NR2C1: variants seen among roughly 807,000 people sequenced by gnomAD.
NR2C1 encodes the protein TR2 nuclear hormone receptor.
NR2C1 carries 33 observed loss-of-function variants against 74.8 expected under a neutral mutation model. That is an observed-to-expected ratio of 0.44 (90% CI 0.33 to 0.59). The LOEUF is 0.59. Among genes scored for constraint, NR2C1 ranks in the 20% least tolerant of loss-of-function variants. The probability of loss-of-function intolerance (pLI) is 0.02; values close to 1 mark genes in which losing one functional copy is unlikely to be tolerated. For synonymous variants in NR2C1, 225 were observed against 240.6 expected, an observed-to-expected ratio of 0.94 and a Z score of 0.60; for missense variants, 568 against 715.6, an observed-to-expected ratio of 0.79 and a Z score of 2.35.
chr12:95,053,075 C>T (rs1592766887), intron 7 of NR2C1, among the ~76,000 whole-genome samples: 2 of 151,836 alleles, frequency 1.3e-5, no homozygotes, highest in South Asian at 2.1e-4. Flanking sequence ...CCTCCAACTC[C>T]TGGGTTCAAG....
chr12:95,052,203 T>C (rs548094320), intron 7 of NR2C1, among the ~76,000 whole-genome samples: 15 of 151,902 alleles, frequency 9.9e-5, no homozygotes, highest in African/African-American at 2.9e-4. Flanking sequence ...GTCACTAGGC[T>C]GGAGTGCCGT....
rs11107873 is a variant in NR2C1 at position 95,043,412 on chromosome 12, G to A, written c.1132-2815C>T. ...AACAAAAAAGTCCTTTGTAAGGCTA[G>A]GCGTGGTGGCTCAGGCCTGTAATCC... On this transcript the variant is annotated intron_variant, in intron 9 of 13. Coordinates refer to ENST00000333003, the MANE Select transcript of NR2C1 (RefSeq NM_003297.4). Among the ~76,000 whole-genome samples, 73 of 152,182 alleles carry A rather than the reference G, an allele frequency of 4.8e-4. No individual in the cohort carries two copies. In the East Asian group the frequency reaches 0.014, roughly 29 times the overall value.
intron 7 of NR2C1, among the ~76,000 whole-genome samples, chr12:95,054,744 T>A (rs1476897779): frequency 2.0e-5 from 3 of 152,204 alleles, no homozygotes; most frequent in Non-Finnish European, 4.4e-5. Flanking sequence ...CATATCTAAC[T>A]AGATTCTTTT....
At chr12:95,043,351 G>T (rs1208710020) in intron 9 of NR2C1, among the ~76,000 whole-genome samples, 2 of 152,070 alleles carry the variant, frequency 1.3e-5, no homozygotes, top group East Asian at 3.9e-4. Flanking sequence ...AAAATTACTA[G>T]TTTTGGGGGA....
Position 95,037,882 on chromosome 12 carries a change from G to C in NR2C1, c.1253+2594C>G, listed in dbSNP as rs185560938. Among the ~76,000 whole-genome samples the C allele has an allele frequency of 4.5e-5, 6 of 133,680 alleles. No homozygotes were observed. The East Asian group carries it at 1.3e-3, about 29-fold the overall frequency. The allele number at this position is 133,680 out of a possible 152,430, so 87.7% of individuals were successfully genotyped here. ...TGCACTCCAGTCTGGGCGACAGAGC[G>C]AGCCTCCATCTCAAAAAAAAAAAAA... On this transcript the variant is annotated intron_variant, in intron 10 of 13. Coordinates refer to ENST00000333003, the MANE Select transcript of NR2C1 (RefSeq NM_003297.4).
rs765939502 is a variant in NR2C1 at position 95,028,563 on chromosome 12, T to C, written c.1394-39A>G. 2.3e-6 allele frequency: 3 copies of C among 1,323,872 alleles called. No individual in the cohort carries two copies. In the African/African-American group the frequency reaches 4.5e-5, roughly 20 times the overall value. 82.0% of individuals were successfully genotyped at this position (1,323,872 alleles called of 1,614,324 possible). A position where few individuals can be genotyped will look rare whatever the true frequency, so the allele number is the denominator to read the frequency against. On this transcript the variant is annotated intron_variant, in intron 11 of 13. Transcript: ENST00000333003. ...TAAACAAATGCTTCTAGTGTTTGTC[T>C]AAAATGAACAACTACTTTCATCCAA...
Position 95,022,171 on chromosome 12 carries a change from T to C in NR2C1, c.*58A>G, listed in dbSNP as rs1868839261. On this transcript the variant is annotated 3_prime_UTR_variant, in exon 14 of 14. Transcript: ENST00000333003. ...ATGCCTCAAAAGCAGTGAGTTCAAT[T>C]TGGTGTCTTGTGTTCTGGCAAAGAA... is the stretch of plus-strand genomic sequence containing the variant. The C allele has an allele frequency of 2.2e-6, 3 of 1,353,036 alleles. No individual in the cohort carries two copies. Among genetic ancestry groups the C allele is most frequent in the Non-Finnish European group, 3.0e-6 (3 of 1,012,162 alleles). The allele number at this position is 1,353,036 out of a possible 1,614,324, so 83.8% of individuals were successfully genotyped here. A position where few individuals can be genotyped will look rare whatever the true frequency, so the allele number is the denominator to read the frequency against.
intron 3 of NR2C1, among the ~76,000 whole-genome samples, chr12:95,061,617 T>C (rs182019282): frequency 6.6e-6 from 1 of 152,338 alleles, no homozygotes; most frequent in Admixed American, 6.5e-5. Flanking sequence ...ATAGATGATA[T>C]CAGGATATAC....
At chr12:95,069,229 AG>A (rs746222539) in intron 1 of NR2C1, among the ~76,000 whole-genome samples, 7 of 152,238 alleles carry the variant, frequency 4.6e-5, no homozygotes, top group Non-Finnish European at 8.8e-5. Flanking sequence ...TTAGACTCAA[AG>A]AAGTCACCTC....
At chr12:95,039,053 G>A (rs971792269) in intron 10 of NR2C1, among the ~76,000 whole-genome samples, 5 of 152,058 alleles carry the variant, frequency 3.3e-5, no homozygotes, top group African/African-American at 1.2e-4. Context: ...CAATGACAGA[G>A]GAAGAACTCA....
intron 5 of NR2C1, 33 bp from the exon 6 acceptor site, chr12:95,057,911 T>C: frequency 1.2e-5 from 19 of 1,573,818 alleles, no homozygotes; most frequent in Non-Finnish European, 1.7e-5. Context: ...TATATCACAA[T>C]ATAGGATTTA....
chr12:95,022,435 A>G (rs1868867228), intron 13 of NR2C1, 32 bp from the exon 14 acceptor site: 1 of 1,551,556 alleles, frequency 6.4e-7, no homozygotes, highest in East Asian at 2.3e-5. Context: ...GGAGAGGAAC[A>G]AGGTTGTAAA....
chr12:95,050,411 C>G (rs150689267), intron 8 of NR2C1, among the ~76,000 whole-genome samples: 1 of 152,120 alleles, frequency 6.6e-6, no homozygotes, highest in Non-Finnish European at 1.5e-5. Flanking sequence ...GGGGTTCAAG[C>G]GGTTCTCCTG....
At position 95,059,986 on chromosome 12, in the gene NR2C1, T is replaced by TAAAAAAA. The variant is rs79760875; in HGVS notation, c.286-9_286-3dup. On this transcript the variant is annotated splice_region_variant and splice_polypyrimidine_tract_variant and intron_variant, in intron 3 of 13. Transcript: ENST00000333003. ...GTCTGGAGAATTATCTGTTAGGAGC[T>TAAAAAAA]AAAAAAAAAAAAAAAAAAAAAGAAA... 1.9e-5 allele frequency: 20 copies of TAAAAAAA among 1,074,554 alleles called. No homozygotes were observed. Among genetic ancestry groups the TAAAAAAA allele is most frequent in the South Asian group, 1.7e-4 (9 of 52,312 alleles). The allele number at this position is 1,074,554 out of a possible 1,614,324, so 66.6% of individuals were successfully genotyped here.
chr12:95,057,098 A>ATTTTTTTTTTTT (rs1184465413), intron 7 of NR2C1, among the ~76,000 whole-genome samples: 1 of 111,560 alleles, frequency 9.0e-6, no homozygotes, highest in African/African-American at 3.4e-5. Context: ...AACATTTCTG[A>ATTTTTTTTTTTT]TTTTTTTTTT....
chr12:95,070,295 G>A (rs991169637), intron 1 of NR2C1, among the ~76,000 whole-genome samples: 4 of 151,668 alleles, frequency 2.6e-5, no homozygotes, highest in Admixed American at 6.6e-5. Flanking sequence ...CCATGCCCAG[G>A]TACTTTTTGT....
At chr12:95,034,496 A>C (rs1870564668) in intron 10 of NR2C1, among the ~76,000 whole-genome samples, 1 of 152,190 alleles carries the variant, frequency 6.6e-6, no homozygotes, top group Admixed American at 6.5e-5. Flanking sequence ...CATAAACTGG[A>C]TCAACATCTT....
At chr12:95,051,601 G>C (rs1873017223) in intron 8 of NR2C1, among the ~76,000 whole-genome samples, 161 bp downstream of exon 8, 1 of 152,178 alleles carries the variant, frequency 6.6e-6, no homozygotes, top group Admixed American at 6.5e-5. Flanking sequence ...TTTCTGGTCT[G>C]AACAAAGCAT....
chr12:95,043,495 C>A (rs1871866401), intron 9 of NR2C1, among the ~76,000 whole-genome samples: 1 of 151,944 alleles, frequency 6.6e-6, no homozygotes, highest in African/African-American at 2.4e-5. Context: ...TCAAGACCAG[C>A]CTGCCAATGA....
Sources: gnomAD v4.1 joint callset for allele counts (sites outside exome capture counted in the v4.1 genomes callset) on GRCh38, gnomAD v4.1.1 for gene constraint, MANE v1.5 for transcripts, NCBI Gene and HGNC (gene_info 2026-07-23, HGNC 2026-07-21) for gene names.